The following SOX5 variants were observed in gnomAD, a reference collection of about 807,000 sequenced individuals.
SOX5 encodes the protein SRY-box transcription factor 5.
SOX5 carries 9 observed loss-of-function variants against 92.0 expected under a neutral mutation model. The ratio of observed to expected loss-of-function variants is 0.10; its 90% confidence interval spans 0.06 to 0.17. SOX5 has a LOEUF of 0.17. Ranked by LOEUF, SOX5 falls within the 10% of genes least tolerant of loss-of-function variation. The pLI is 1.00. For missense variants in SOX5, 642 were observed against 944.5 expected, an observed-to-expected ratio of 0.68 and a Z score of 4.20; for synonymous variants, 344 against 336.3, an observed-to-expected ratio of 1.02 and a Z score of -0.25.
intron 1 of SOX5, among the ~76,000 whole-genome samples, chr12:23,913,433 G>A (rs559221360): frequency 6.6e-6 from 1 of 151,410 alleles, no homozygotes; most frequent in South Asian, 2.1e-4. Context: ...TTTGACGACT[G>A]TTCTAAAACA....
intron 1 of SOX5, among the ~76,000 whole-genome samples, chr12:24,406,846 G>A (rs778645823): frequency 1.3e-5 from 2 of 152,168 alleles, no homozygotes; most frequent in Non-Finnish European, 2.9e-5. Context: ...AGAAACAGAA[G>A]GAGATGAAAA....
chr12:23,730,275 A>G lies in SOX5; in HGVS notation c.810+4409T>C, dbSNP rs142107883. The stretch of plus-strand genomic sequence containing the variant: ...AAAGATATCTTATTCTAAAATATTT[A>G]CAAATTTCATCTATTAATATGCATT... On this transcript the variant is annotated intron_variant, in intron 6 of 14. Transcript: ENST00000451604. 5.1e-3 allele frequency among the ~76,000 whole-genome samples: 775 copies of G among 152,358 alleles called. 7 individuals carry two copies. Among genetic ancestry groups the G allele is most frequent in the South Asian group, 0.019 (92 of 4,834 alleles).
At chr12:24,537,041 C>T (rs1951702509) in intron 1 of SOX5, among the ~76,000 whole-genome samples, 2 of 152,138 alleles carry the variant, frequency 1.3e-5, no homozygotes. Context: ...ATCACGTGCT[C>T]CTGGCTTATC....
intron 3 of SOX5, among the ~76,000 whole-genome samples, chr12:23,835,385 T>C (rs1184622625): frequency 6.6e-6 from 1 of 151,896 alleles, no homozygotes; most frequent in African/African-American, 2.4e-5. Flanking sequence ...CTCAGGCATA[T>C]ATATCTCTGT....
chr12:24,121,033 C>G (rs1288261817), intron 4 of SOX5, among the ~76,000 whole-genome samples: 4 of 152,214 alleles, frequency 2.6e-5, no homozygotes, highest in Admixed American at 2.0e-4. Flanking sequence ...ACAGCACCAA[C>G]TAGGCACATT....
rs1555507673 is a variant in SOX5, at chr12:24,095,145, A to AGAGAGT, written c.-2+118197_-2+118198insACTCTC. 4.0e-4 allele frequency among the ~76,000 whole-genome samples: 61 copies of AGAGAGT among 151,186 alleles called. 1 individual carries two copies. The East Asian group carries it at 0.01, about 26-fold the overall frequency. ...CACACACACAGAGAGAGAGAGAGAG[A>AGAGAGT]GAGAGAGAGAGACAGAGACAGAGAG... is the stretch of plus-strand genomic sequence containing the variant. On this transcript the variant is annotated intron_variant, in intron 4 of 4. Transcript: ENST00000446891.
At chr12:24,372,369 T>C (rs1956825990) in intron 1 of SOX5, among the ~76,000 whole-genome samples, 1 of 152,032 alleles carries the variant, frequency 6.6e-6, no homozygotes, top group South Asian at 2.1e-4. Context: ...CACTTGTGAG[T>C]GAGAACATGC....
At chr12:23,829,712 A>T (rs746435842) in intron 3 of SOX5, among the ~76,000 whole-genome samples, 1 of 152,172 alleles carries the variant, frequency 6.6e-6, no homozygotes, top group Non-Finnish European at 1.5e-5. Context: ...ACTTACATAG[A>T]CCTGATAGTA....
intron 7 of SOX5, among the ~76,000 whole-genome samples, chr12:23,659,447 A>G (rs2082735485): frequency 6.6e-6 from 1 of 152,334 alleles, no homozygotes; most frequent in Admixed American, 6.5e-5. Context: ...ATCGACTTCT[A>G]TTTATTTAAG....
At chr12:24,080,376 A>T (rs1045881593) in intron 4 of SOX5, among the ~76,000 whole-genome samples, 2 of 152,038 alleles carry the variant, frequency 1.3e-5, no homozygotes, top group Non-Finnish European at 1.5e-5. Context: ...AAAATTTGAC[A>T]TTAACTAAGT....
chr12:23,879,329 T>A (rs1386772138), intron 2 of SOX5, among the ~76,000 whole-genome samples: 1 of 80,680 alleles, frequency 1.2e-5, no homozygotes, highest in African/African-American at 4.3e-5. Context: ...TCTAATCTGA[T>A]GAAAAAAAAA....
chr12:23,903,211 G>C (rs112801054), intron 1 of SOX5, among the ~76,000 whole-genome samples: 1 of 152,152 alleles, frequency 6.6e-6, no homozygotes, highest in Non-Finnish European at 1.5e-5. Context: ...ACAGGAGATA[G>C]ATAGATAATA....
intron 3 of SOX5, among the ~76,000 whole-genome samples, chr12:23,783,090 T>C (rs554583122): frequency 1.3e-5 from 2 of 152,330 alleles, no homozygotes; most frequent in East Asian, 3.9e-4. Flanking sequence ...TTGTCTCTTA[T>C]ATCATGTTGA....
chr12:23,754,776 C>CA (rs1322615247), intron 4 of SOX5, among the ~76,000 whole-genome samples: 2 of 151,584 alleles, frequency 1.3e-5, no homozygotes, highest in Non-Finnish European at 3.0e-5. Context: ...CACACATATG[C>CA]AAAAAAGTTA....
At chr12:23,753,639 T>A (rs1163283145) in intron 4 of SOX5, among the ~76,000 whole-genome samples, 1 of 151,842 alleles carries the variant, frequency 6.6e-6, no homozygotes, top group African/African-American at 2.4e-5. Context: ...AAGACTTACA[T>A]CTTTATTTGC....
chr12:23,759,445 A>ATT (rs2094505183), intron 3 of SOX5, among the ~76,000 whole-genome samples: 1 of 152,056 alleles, frequency 6.6e-6, no homozygotes, highest in African/African-American at 2.4e-5. Context: ...GGATCATAAG[A>ATT]CATCATTTCA....
intron 3 of SOX5, among the ~76,000 whole-genome samples, chr12:23,775,753 T>C (rs1034863326): frequency 2.0e-5 from 3 of 152,216 alleles, no homozygotes; most frequent in African/African-American, 7.2e-5. Flanking sequence ...TTCTGTGTGT[T>C]TCCACTATCT....
chr12:24,331,396 C>T (rs1214638835), intron 2 of SOX5: 1 of 151,978 alleles, frequency 6.6e-6, no homozygotes, highest in Non-Finnish European at 1.5e-5. Context: ...CTGAGAAAAA[C>T]CTACAATACA....
At chr12:23,986,695 C>CA (rs1460348948) in intron 4 of SOX5, among the ~76,000 whole-genome samples, 5 of 152,074 alleles carry the variant, frequency 3.3e-5, no homozygotes, top group African/African-American at 1.2e-4. Context: ...AAGTGACAGA[C>CA]AATGGTAATG....
Sources: allele counts gnomAD v4.1 joint callset (sites outside exome capture counted in the v4.1 genomes callset), GRCh38; gene constraint gnomAD v4.1.1; transcripts MANE v1.5; gene names NCBI Gene and HGNC (gene_info 2026-07-23, HGNC 2026-07-21).